PIBF1: variants seen among roughly 807,000 people sequenced by gnomAD.
PIBF1 encodes progesterone-induced-blocking factor 1.
In PIBF1, 90 loss-of-function variants were observed where a neutral mutation model predicts 112.5. The observed-to-expected ratio is 0.80, with a 90% CI of 0.67 to 0.95. The LOEUF is 0.95. Among genes scored for constraint, PIBF1 ranks in the 40% least tolerant of loss-of-function variants. The pLI, the probability that PIBF1 is intolerant of heterozygous loss-of-function variation, is 0.00. For synonymous variants in PIBF1, 301 were observed against 288.6 expected, an observed-to-expected ratio of 1.04 and a Z score of -0.44; for missense variants, 915 against 852.3, an observed-to-expected ratio of 1.07 and a Z score of -0.92.
chr13:73,006,077 G>A (rs930381081), intron 17 of PIBF1, among the ~76,000 whole-genome samples: 70 of 83,314 alleles, frequency 8.4e-4, no homozygotes, highest in Admixed American at 6.4e-4. Context: ...GCACCACCAT[G>A]CCCAATAATT....
At chr13:72,959,408 G>T (rs569336141) in intron 14 of PIBF1, among the ~76,000 whole-genome samples, 1 of 152,018 alleles carries the variant, frequency 6.6e-6, no homozygotes, top group African/African-American at 2.4e-5. Context: ...TTCCTAGCAC[G>T]ATTAAAAAGA....
At chr13:72,803,205 G>A (rs1362398871) in intron 5 of PIBF1, among the ~76,000 whole-genome samples, 1 of 152,046 alleles carries the variant, frequency 6.6e-6, no homozygotes, top group African/African-American at 2.4e-5. Context: ...GGCAATTACA[G>A]GAAACATGGA....
At chr13:72,857,840 C>G (rs2038498179) in intron 10 of PIBF1, among the ~76,000 whole-genome samples, 1 of 151,874 alleles carries the variant, frequency 6.6e-6, no homozygotes, top group Admixed American at 6.5e-5. Context: ...AACTCTGTCT[C>G]AAAACAAAAA....
At chr13:72,977,318 C>CCTCAGCCCCCCAAGTAGCTGGGATT (rs2043047736) in intron 16 of PIBF1, among the ~76,000 whole-genome samples, 1 of 152,150 alleles carries the variant, frequency 6.6e-6, no homozygotes, top group Non-Finnish European at 1.5e-5. Flanking sequence ...AATTCCCCTG[C>CCTCAGCCCCCCAAGTAGCTGGGATT]CTCAGCCCCC....
intron 17 of PIBF1, among the ~76,000 whole-genome samples, chr13:73,006,266 G>T (rs765924496): frequency 3.3e-5 from 5 of 152,106 alleles, no homozygotes; most frequent in Admixed American, 2.0e-4. Context: ...ACCAAAGTAT[G>T]ACCGGACCTC....
intron 8 of PIBF1, among the ~76,000 whole-genome samples, chr13:72,831,893 G>T (rs1406086445): frequency 1.3e-5 from 2 of 151,998 alleles, no homozygotes; most frequent in Non-Finnish European, 2.9e-5. Flanking sequence ...TCTGTTTGTA[G>T]GTCTCTAAGA....
intron 9 of PIBF1, among the ~76,000 whole-genome samples, chr13:72,847,753 T>C (rs866509577): frequency 3.3e-5 from 5 of 152,244 alleles, no homozygotes; most frequent in African/African-American, 9.6e-5. Flanking sequence ...TTTTATGTCC[T>C]GCTCATTAAC....
chr13:72,865,445 A>G (rs1330188503), intron 10 of PIBF1, among the ~76,000 whole-genome samples: 1 of 152,216 alleles, frequency 6.6e-6, no homozygotes, highest in African/African-American at 2.4e-5. Context: ...TTTAATAATT[A>G]CCTTGTATAA....
At chr13:72,950,631 T>C (rs1356245823) in intron 14 of PIBF1, among the ~76,000 whole-genome samples, 2 of 152,224 alleles carry the variant, frequency 1.3e-5, no homozygotes, top group Admixed American at 6.5e-5. Context: ...AAAGTATGTT[T>C]AGTAATAATG....
In PIBF1 at chr13:72,792,481, T is replaced by C; in HGVS notation, c.287T>C (p.Leu96Pro). ...TTGGAGGAGAAACTTAATGATGCAC[T>C]TCACCAGAAGCAGCTACTAACATTG... ...EELEEKLNDA[L>P]HQKQLLTLRL... The change falls in exon 3 of 18, where the codon CTT (leucine) becomes CCT (proline). Residue 96 changes from leucine (L) to proline (P), a missense_variant. By Grantham distance (98) the Leu-to-Pro change is moderately conservative. Coordinates refer to ENST00000326291, the MANE Select transcript of PIBF1 (RefSeq NM_006346.4). 6.3e-7 allele frequency: 1 copy of C among 1,578,814 alleles called. No individual in the cohort carries two copies. Among genetic ancestry groups the C allele is most frequent in the South Asian group, 1.2e-5 (1 of 83,072 alleles).
chr13:72,982,172 G>A (rs1009978798), intron 16 of PIBF1, among the ~76,000 whole-genome samples: 5 of 152,068 alleles, frequency 3.3e-5, no homozygotes, highest in African/African-American at 9.7e-5. Context: ...GGGCACGGTG[G>A]CTCCTACCTG....
At chr13:72,985,371 C>CAAAAAAAA (rs67195605) in intron 16 of PIBF1, among the ~76,000 whole-genome samples, 37 of 76,236 alleles carry the variant, frequency 4.9e-4, no homozygotes, top group Non-Finnish European at 6.7e-4. Flanking sequence ...ACTAAAAATA[C>CAAAAAAAA]AAAAAAAAAA....
chr13:72,876,867 A>G (rs2039431127), intron 10 of PIBF1, among the ~76,000 whole-genome samples: 2 of 152,296 alleles, frequency 1.3e-5, no homozygotes, highest in South Asian at 4.1e-4. Flanking sequence ...TCATCTGCAT[A>G]CACAGTTTTA....
At chr13:72,969,323 A>G (rs1172053057) in intron 15 of PIBF1, among the ~76,000 whole-genome samples, 6 of 152,182 alleles carry the variant, frequency 3.9e-5, no homozygotes, top group Admixed American at 3.9e-4. Context: ...CATAAAGGCC[A>G]TGTCATTTAT....
intron 9 of PIBF1, among the ~76,000 whole-genome samples, chr13:72,845,130 C>T (rs1227615496): frequency 1.3e-5 from 2 of 151,870 alleles, no homozygotes; most frequent in Non-Finnish European, 2.9e-5. Context: ...CTAATGCTCT[C>T]CCTCCCCTTG....
At chr13:72,985,100 C>A (rs1469263706) in intron 16 of PIBF1, among the ~76,000 whole-genome samples, 1 of 151,958 alleles carries the variant, frequency 6.6e-6, no homozygotes, top group Non-Finnish European at 1.5e-5. Flanking sequence ...CATTTCTAAC[C>A]CTGTGCTTAT....
chr13:72,987,858 A>ATTTATTTATTTATTT (rs1345167411), intron 16 of PIBF1, among the ~76,000 whole-genome samples: 1 of 58,136 alleles, frequency 1.7e-5, no homozygotes, highest in African/African-American at 9.3e-5. Context: ...TTATTTATTT[A>ATTTATTTATTTATTT]TTTTTTTTTT....
chr13:72,893,318 T>C (rs2040134543), intron 10 of PIBF1, among the ~76,000 whole-genome samples: 1 of 152,140 alleles, frequency 6.6e-6, no homozygotes. Context: ...AATATATGTA[T>C]ATGTACTAAG....
At chr13:72,905,657 C>T (rs529098681) in intron 11 of PIBF1, among the ~76,000 whole-genome samples, 13 of 152,162 alleles carry the variant, frequency 8.5e-5, no homozygotes, top group African/African-American at 3.1e-4. Flanking sequence ...GCAGGTGATT[C>T]TCCCACACAT....
Sources: allele counts gnomAD v4.1 joint callset (sites outside exome capture counted in the v4.1 genomes callset), GRCh38; gene constraint gnomAD v4.1.1; transcripts MANE v1.5; gene names NCBI Gene and HGNC (gene_info 2026-07-23, HGNC 2026-07-21).